UTRN: variants seen among roughly 807,000 people sequenced by gnomAD.
UTRN encodes utrophin, also known as dystrophin-related protein 1.
A neutral mutation model predicts 463.9 loss-of-function variants in UTRN; 283 were observed. That is an observed-to-expected ratio of 0.61 (90% CI 0.55 to 0.67). UTRN has a LOEUF of 0.67. Ranked by LOEUF, UTRN falls within the 30% of genes least tolerant of loss-of-function variation. The probability of loss-of-function intolerance (pLI) is 0.00; values close to 1 mark genes in which losing one functional copy is unlikely to be tolerated. For missense variants in UTRN, 3,922 were observed against 4,084.3 expected (o/e 0.96, Z 1.08); for synonymous variants, 1,442 against 1,431.5 (o/e 1.01, Z -0.17).
rs80190902 is a variant in UTRN, at chr6:144,371,865, G to C, written c.80-31258G>C. Among the ~76,000 whole-genome samples, 14 of 152,310 alleles carry C rather than the reference G, an allele frequency of 9.2e-5. No homozygotes were observed. The East Asian group carries it at 2.7e-3, about 29-fold the overall frequency. ...TGGGGAGGCATACATTCTGAAAAGA[G>C]GGGGTTGTTGACTAAGAAATAGGCC... is the stretch of plus-strand genomic sequence containing the variant. On this transcript the variant is annotated intron_variant, in intron 2 of 74. Coordinates refer to ENST00000367545, the MANE Select transcript of UTRN (RefSeq NM_007124.3).
At chr6:144,760,839 C>T (rs1792578520) in intron 58 of UTRN, among the ~76,000 whole-genome samples, 2 of 152,102 alleles carry the variant, frequency 1.3e-5, no homozygotes, top group African/African-American at 4.8e-5. Flanking sequence ...TAGAAATATT[C>T]AACGTTTTTG....
intron 50 of UTRN, among the ~76,000 whole-genome samples, chr6:144,569,305 A>G (rs1369553709): frequency 2.0e-5 from 3 of 152,092 alleles, no homozygotes; most frequent in East Asian, 1.9e-4. Context: ...TGCTATAAGT[A>G]GGGTTTGACT....
intron 51 of UTRN, among the ~76,000 whole-genome samples, chr6:144,628,886 G>A (rs754227687): frequency 5.3e-5 from 8 of 152,018 alleles, no homozygotes; most frequent in Non-Finnish European, 1.0e-4. Flanking sequence ...TGGAGTTGAG[G>A]GCTGGTTTAA....
chr6:144,505,209 C>T (rs1000223543), intron 34 of UTRN, among the ~76,000 whole-genome samples: 1 of 152,116 alleles, frequency 6.6e-6, no homozygotes, highest in Non-Finnish European at 1.5e-5. Flanking sequence ...TTTCAAAAAA[C>T]CAGCTCCTGG....
intron 2 of UTRN, among the ~76,000 whole-genome samples, chr6:144,383,711 TA>T (rs1374255081): frequency 6.6e-6 from 1 of 152,202 alleles, no homozygotes; most frequent in Admixed American, 6.5e-5. Flanking sequence ...ATTAATCTTG[TA>T]AGTGAGAAGG....
At chr6:144,463,550 G>C (rs1789619074) in intron 23 of UTRN, among the ~76,000 whole-genome samples, 1 of 151,710 alleles carries the variant, frequency 6.6e-6, no homozygotes, top group Non-Finnish European at 1.5e-5. Context: ...GTTCTGGGTG[G>C]AGAATGAACC....
At chr6:144,587,043 G>A (rs879475905) in intron 51 of UTRN, among the ~76,000 whole-genome samples, 2 of 152,176 alleles carry the variant, frequency 1.3e-5, no homozygotes, top group Non-Finnish European at 2.9e-5. Flanking sequence ...GTGAAATCAT[G>A]TATTAAATAT....
Position 144,757,899 on chromosome 6 carries a change from G to A in UTRN, c.8435-30G>A, listed in dbSNP as rs764198245. On this transcript the variant is annotated intron_variant, in intron 57 of 74. Transcript: ENST00000367545. ...GGTGTAAGGCTTTTTGGTTTCCAAC[G>A]TTTCCAATAATCTCCCTTTGTTTCC... The A allele has an allele frequency of 1.9e-6, 3 of 1,592,638 alleles. No homozygotes were observed. The Admixed American group carries it at 5.3e-5, about 28-fold the overall frequency.
chr6:144,839,352 C>G (rs373706959), intron 72 of UTRN, 68 bp downstream of exon 72: 2 of 1,339,886 alleles, frequency 1.5e-6, no homozygotes, highest in African/African-American at 2.9e-5. Context: ...TTTGTGTTTC[C>G]TGTTAAGTAA....
intron 51 of UTRN, among the ~76,000 whole-genome samples, chr6:144,596,312 G>A (rs542521705): frequency 1.3e-5 from 2 of 152,206 alleles, no homozygotes; most frequent in Admixed American, 6.5e-5. Context: ...TGGTTTTTCC[G>A]AGTTTCATAT....
intron 63 of UTRN, among the ~76,000 whole-genome samples, chr6:144,795,444 C>T (rs1469822968): frequency 6.6e-6 from 1 of 152,126 alleles, no homozygotes; most frequent in Non-Finnish European, 1.5e-5. Flanking sequence ...GAGGAATTGC[C>T]ACGCTGTCTT....
At chr6:144,369,020 CT>C (rs1308681953) in intron 2 of UTRN, among the ~76,000 whole-genome samples, 8 of 152,108 alleles carry the variant, frequency 5.3e-5, no homozygotes, top group South Asian at 2.1e-4. Context: ...TGTTCATAAA[CT>C]TTTTTTGGAT....
intron 2 of UTRN, among the ~76,000 whole-genome samples, chr6:144,379,023 C>A (rs1780692656): frequency 6.6e-6 from 1 of 152,154 alleles, no homozygotes; most frequent in Non-Finnish European, 1.5e-5. Context: ...TTGGGAAAGA[C>A]TAGAGGCAGA....
At chr6:144,771,885 A>G (rs780979029) in intron 58 of UTRN, 22 bp from the exon 59 acceptor site, 24 of 1,571,852 alleles carry the variant, frequency 1.5e-5, no homozygotes, top group Middle Eastern at 1.7e-4. Context: ...TTTATTTTTA[A>G]AATTTTACCT....
In UTRN at chr6:144,759,661, A is replaced by G. The variant is rs947890953; in HGVS notation, c.8495+1672A>G. Reference sequence around the variant, plus strand: ...GCTTAATGTAATCCCAGGGGCCTTTAAAAGTGGCAGGGGAGGCAGAGATTT... The same window carrying G: ...GCTTAATGTAATCCCAGGGGCCTTTGAAAGTGGCAGGGGAGGCAGAGATTT... On this transcript the variant is annotated intron_variant, in intron 58 of 74. Coordinates refer to ENST00000367545, the MANE Select transcript of UTRN (RefSeq NM_007124.3). Among the ~76,000 whole-genome samples the G allele has an allele frequency of 2.6e-5, 4 of 152,226 alleles. No individual in the cohort carries two copies. In the East Asian group the frequency reaches 7.7e-4, roughly 29 times the overall value.
At chr6:144,475,912 T>TA (rs1012428087) in intron 25 of UTRN, among the ~76,000 whole-genome samples, 6 of 151,280 alleles carry the variant, frequency 4.0e-5, no homozygotes, top group African/African-American at 1.5e-4. Flanking sequence ...CTTATCTCTA[T>TA]AAAAAATACA....
intron 3 of UTRN, among the ~76,000 whole-genome samples, chr6:144,409,618 A>G (rs1783707737): frequency 6.6e-6 from 1 of 152,130 alleles, no homozygotes; most frequent in Non-Finnish European, 1.5e-5. Flanking sequence ...GCTGAGAGGT[A>G]GTGGTTGAGG....
intron 53 of UTRN, among the ~76,000 whole-genome samples, chr6:144,720,463 T>C (rs1347735738): frequency 6.6e-6 from 1 of 152,054 alleles, no homozygotes; most frequent in Non-Finnish European, 1.5e-5. Flanking sequence ...GTCGGAGAGG[T>C]GGGACAGGAG....
intron 2 of UTRN, among the ~76,000 whole-genome samples, 157 bp downstream of exon 2, chr6:144,292,064 A>G (rs186363581): frequency 1.3e-5 from 2 of 152,368 alleles, no homozygotes; most frequent in East Asian, 3.8e-4. Context: ...TGTAAAAGGT[A>G]TATGTAAAAG....
Sources: gnomAD v4.1 joint callset for allele counts (sites outside exome capture counted in the v4.1 genomes callset) on GRCh38, gnomAD v4.1.1 for gene constraint, MANE v1.5 for transcripts, NCBI Gene and HGNC (gene_info 2026-07-23, HGNC 2026-07-21) for gene names.